ERBB4: variants seen among roughly 807,000 people sequenced by gnomAD.
The protein encoded by ERBB4 is receptor tyrosine-protein kinase erbB-4.
In ERBB4, 42 loss-of-function variants were observed where a neutral mutation model predicts 158.0. The ratio of observed to expected loss-of-function variants is 0.27; its 90% CI spans 0.21 to 0.34. ERBB4 has a LOEUF of 0.34. Among genes scored for constraint, ERBB4 ranks in the 10% least tolerant of loss-of-function variants. The pLI is 1.00. For synonymous variants in ERBB4, 583 were observed against 558.7 expected (o/e 1.04, Z -0.61); for missense variants, 1,333 against 1,624.1 (o/e 0.82, Z 3.08).
intron 2 of ERBB4, among the ~76,000 whole-genome samples, chr2:211,952,968 C>A (rs1031072281): frequency 2.0e-5 from 3 of 151,856 alleles, no homozygotes; most frequent in Non-Finnish European, 4.4e-5. Context: ...CTTGCTTATG[C>A]AATTTGCAAT....
At chr2:212,473,784 G>A (rs143388659) in intron 1 of ERBB4, among the ~76,000 whole-genome samples, 1,720 of 151,996 alleles carry the variant, frequency 0.011, 13 homozygotes, top group Middle Eastern at 0.036. Flanking sequence ...TTTTCTCAGA[G>A]TTCATAAGAT....
In ERBB4 at chr2:211,384,022, G is replaced by T. The variant is rs764035062; in HGVS notation, c.3520C>A (p.Arg1174=). 9 of 1,613,474 alleles carry T rather than the reference G, an allele frequency of 5.6e-6. No individual in the cohort carries two copies. In the African/African-American group the frequency reaches 9.4e-5, roughly 17 times the overall value. Reference sequence around the variant, plus strand: ...GCTTGAAGGTCTCCATTTTTTCTCCGAGAAACAAAAGGGTTCTCCTCCACT... The same window carrying T: ...GCTTGAAGGTCTCCATTTTTTCTCCTAGAAACAAAAGGGTTCTCCTCCACT... ...NPVEENPFVS[R]RKNGDLQALD... The change falls in exon 28 of 28, where the codon CGG becomes AGG. Residue 1174 remains arginine, a synonymous_variant. Transcript: ENST00000342788.
intron 1 of ERBB4, among the ~76,000 whole-genome samples, chr2:212,509,943 C>A (rs1038592424): frequency 6.6e-6 from 1 of 151,712 alleles, no homozygotes; most frequent in African/African-American, 2.4e-5. Flanking sequence ...TAACAGTTAA[C>A]CATGAAATAT....
chr2:212,227,916 C>T (rs2083528367), intron 1 of ERBB4, among the ~76,000 whole-genome samples: 1 of 152,130 alleles, frequency 6.6e-6, no homozygotes, highest in Admixed American at 6.6e-5. Flanking sequence ...TGTGATGCGA[C>T]AGCATGCTTT....
chr2:211,856,895 T>C (rs1017918624), intron 3 of ERBB4, among the ~76,000 whole-genome samples: 1 of 152,144 alleles, frequency 6.6e-6, no homozygotes, highest in Non-Finnish European at 1.5e-5. Flanking sequence ...AATGTAGGAG[T>C]ACTTTTGGTG....
chr2:212,003,443 C>T (rs1437099353), intron 2 of ERBB4, among the ~76,000 whole-genome samples: 1 of 151,344 alleles, frequency 6.6e-6, no homozygotes, highest in Admixed American at 6.6e-5. Context: ...AAAAGAGATA[C>T]AGAGAACACA....
At chr2:212,162,765 G>T (rs544018634) in intron 1 of ERBB4, among the ~76,000 whole-genome samples, 3 of 151,968 alleles carry the variant, frequency 2.0e-5, no homozygotes, top group Non-Finnish European at 2.9e-5. Flanking sequence ...CTAAATGATG[G>T]ATATATTGTT....
intron 9 of ERBB4, among the ~76,000 whole-genome samples, chr2:211,706,601 C>CAAAAAAAAAAAAAAA (rs201615846): frequency 3.2e-5 from 3 of 94,472 alleles, no homozygotes. Context: ...CTTAAAAAAA[C>CAAAAAAAAAAAAAAA]AAAAAAAAAA....
At chr2:211,896,800 T>C (rs2079108885) in intron 3 of ERBB4, among the ~76,000 whole-genome samples, 2 of 152,084 alleles carry the variant, frequency 1.3e-5, no homozygotes, top group Admixed American at 1.3e-4. Flanking sequence ...GGTTGAGCTG[T>C]TTAAAATTAT....
At chr2:211,880,338 T>C (rs2078628135) in intron 3 of ERBB4, among the ~76,000 whole-genome samples, 2 of 152,194 alleles carry the variant, frequency 1.3e-5, no homozygotes, top group Non-Finnish European at 2.9e-5. Flanking sequence ...GTACGCATTA[T>C]AGTAATGTGT....
At chr2:212,059,975 C>T (rs1371916515) in intron 2 of ERBB4, among the ~76,000 whole-genome samples, 1 of 152,082 alleles carries the variant, frequency 6.6e-6, no homozygotes, top group Non-Finnish European at 1.5e-5. Flanking sequence ...TTCTGCACAG[C>T]AAAAGAAAAT....
chr2:212,052,073 G>C (rs1019927056), intron 2 of ERBB4, among the ~76,000 whole-genome samples: 1 of 152,188 alleles, frequency 6.6e-6, no homozygotes, highest in Non-Finnish European at 1.5e-5. Flanking sequence ...AGTGGAATGG[G>C]AGAAGCAGAC....
rs551371612 is a variant in ERBB4 at position 211,621,931 on chromosome 2, A to C, written c.2202+1991T>G. 1.1e-4 allele frequency among the ~76,000 whole-genome samples: 16 copies of C among 152,294 alleles called. No homozygotes were observed. In the South Asian group the frequency reaches 3.1e-3, roughly 30 times the overall value. On this transcript the variant is annotated intron_variant, in intron 18 of 27. Transcript: ENST00000342788. ...GTTCAGCACAGAAGCCTTCAGTTAC[A>C]TCTGTGAATACGGAGATTTGTAGCA...
At chr2:211,832,999 T>C (rs2077258836) in intron 3 of ERBB4, among the ~76,000 whole-genome samples, 1 of 151,974 alleles carries the variant, frequency 6.6e-6, no homozygotes, top group Non-Finnish European at 1.5e-5. Flanking sequence ...ATTTTCTAGG[T>C]TCAGATATTC....
chr2:211,471,608 G>A (rs1269221180), intron 20 of ERBB4, among the ~76,000 whole-genome samples: 5 of 152,092 alleles, frequency 3.3e-5, no homozygotes, highest in African/African-American at 1.2e-4. Flanking sequence ...GGTGGAACTG[G>A]GATTTGATGT....
chr2:212,499,057 A>T (rs114933854), intron 1 of ERBB4, among the ~76,000 whole-genome samples: 1,733 of 152,034 alleles, frequency 0.011, 15 homozygotes, highest in Middle Eastern at 0.037. Context: ...CGGACTAGAT[A>T]AAAGCAATAA....
intron 16 of ERBB4, among the ~76,000 whole-genome samples, chr2:211,652,690 G>C (rs949772457): frequency 1.5e-4 from 23 of 152,226 alleles, no homozygotes; most frequent in African/African-American, 4.8e-4. Flanking sequence ...GTTTCAAATA[G>C]CTGCCCAAAG....
intron 20 of ERBB4, among the ~76,000 whole-genome samples, chr2:211,459,303 G>A (rs1200118039): frequency 6.6e-6 from 1 of 152,066 alleles, no homozygotes. Flanking sequence ...ACTTCTATGG[G>A]GACACTTTCT....
chr2:211,795,017 AC>A (rs769744225), intron 3 of ERBB4, among the ~76,000 whole-genome samples: 10 of 151,850 alleles, frequency 6.6e-5, no homozygotes, highest in Non-Finnish European at 1.3e-4. Context: ...TTTTATATCC[AC>A]AACTGCTACT....
Sources: allele counts gnomAD v4.1 joint callset (sites outside exome capture counted in the v4.1 genomes callset), GRCh38; gene constraint gnomAD v4.1.1; transcripts MANE v1.5; gene names NCBI Gene and HGNC (gene_info 2026-07-23, HGNC 2026-07-21).